CTNND2: variants seen among roughly 807,000 people sequenced by gnomAD.
The protein encoded by CTNND2 is catenin delta 2.
In CTNND2, 22 loss-of-function variants were observed where a neutral mutation model predicts 144.4. The observed-to-expected ratio is 0.15, with a 90% CI of 0.11 to 0.22. The LOEUF (loss-of-function observed/expected upper bound fraction) is 0.22. Ranked by LOEUF, CTNND2 falls within the 10% of genes least tolerant of loss-of-function variation. The probability of loss-of-function intolerance (pLI) is 1.00; values close to 1 mark genes in which losing one functional copy is unlikely to be tolerated. For missense variants in CTNND2, 1,353 were observed against 1,618.8 expected, an observed-to-expected ratio of 0.84 and a Z score of 2.82; for synonymous variants, 751 against 695.6, an observed-to-expected ratio of 1.08 and a Z score of -1.25.
intron 2 of CTNND2, among the ~76,000 whole-genome samples, chr5:11,570,411 T>C (rs1561570899): frequency 6.6e-6 from 1 of 152,168 alleles, no homozygotes; most frequent in African/African-American, 2.4e-5. Flanking sequence ...TACACAGAGA[T>C]AGAGAGAATG....
chr5:11,589,017 A>C (rs1053492740), intron 2 of CTNND2: 32 of 985,306 alleles, frequency 3.2e-5, no homozygotes, highest in Non-Finnish European at 3.9e-5. Flanking sequence ...ACTCGCAAAC[A>C]GTTTAAAAGA....
At chr5:11,814,667 T>C (rs1254461355) in intron 1 of CTNND2, among the ~76,000 whole-genome samples, 2 of 152,338 alleles carry the variant, frequency 1.3e-5, no homozygotes, top group Non-Finnish European at 1.5e-5. Context: ...CAGTTTTTAA[T>C]GGACAAATAT....
At chr5:11,114,110 A>C (rs1753303252) in intron 13 of CTNND2, among the ~76,000 whole-genome samples, 1 of 152,016 alleles carries the variant, frequency 6.6e-6, no homozygotes, top group South Asian at 2.1e-4. Flanking sequence ...GAGAGAAACG[A>C]CTCTCATTGA....
At chr5:11,809,718 G>A (rs10051025) in intron 1 of CTNND2, among the ~76,000 whole-genome samples, 1 of 152,216 alleles carries the variant, frequency 6.6e-6, no homozygotes, top group South Asian at 2.1e-4. Flanking sequence ...ACAGCTCATC[G>A]AAGGGTCACA....
At chr5:11,650,262 G>A (rs1782581474) in intron 2 of CTNND2, among the ~76,000 whole-genome samples, 1 of 152,130 alleles carries the variant, frequency 6.6e-6, no homozygotes. Context: ...CAGAAGACAT[G>A]CCTGCTTCAC....
At chr5:11,714,628 C>T (rs1474541538) in intron 2 of CTNND2, among the ~76,000 whole-genome samples, 1 of 152,004 alleles carries the variant, frequency 6.6e-6, no homozygotes, top group East Asian at 1.9e-4. Context: ...TTCAGGGGGC[C>T]TGGCGCAGTG....
At chr5:11,370,412 A>C (rs1337707146) in intron 7 of CTNND2, among the ~76,000 whole-genome samples, 1 of 152,190 alleles carries the variant, frequency 6.6e-6, no homozygotes, top group Non-Finnish European at 1.5e-5. Flanking sequence ...ATCCTGTCCC[A>C]AATAAAGGAG....
chr5:11,515,166 A>G (rs1241810685), intron 3 of CTNND2, among the ~76,000 whole-genome samples: 2 of 151,778 alleles, frequency 1.3e-5, no homozygotes, highest in Non-Finnish European at 2.9e-5. Context: ...TCTCTGCAGA[A>G]GCATCATGGT....
chr5:11,821,758 C>T (rs61761583), intron 1 of CTNND2, among the ~76,000 whole-genome samples: 46 of 152,068 alleles, frequency 3.0e-4, no homozygotes, highest in African/African-American at 9.4e-4. Context: ...GATTTAAATT[C>T]GCTTTGTTTT....
At chr5:11,752,626 C>T (rs142251105) in intron 1 of CTNND2, among the ~76,000 whole-genome samples, 289 of 151,520 alleles carry the variant, frequency 1.9e-3, no homozygotes, top group Non-Finnish European at 2.8e-3. Context: ...TAGTGCGATG[C>T]CTCCAGCTTT....
chr5:11,695,929 A>C (rs1229460621), intron 2 of CTNND2, among the ~76,000 whole-genome samples: 2 of 152,246 alleles, frequency 1.3e-5, no homozygotes, highest in Admixed American at 1.3e-4. Context: ...GACAGTCTTC[A>C]AAAACAGTAG....
rs776528315 is a variant in CTNND2 at position 10,992,693 on chromosome 5, C to T, written c.3085-16G>A. On this transcript the variant is annotated splice_polypyrimidine_tract_variant and intron_variant, in intron 18 of 21. Coordinates refer to ENST00000304623, the MANE Select transcript of CTNND2 (RefSeq NM_001332.4). ...ACCATCCATCCTGCAAAACACAGCACGCTCCTGTTAGATGGGCAAGACAGA... is the reference window on the plus strand; with the variant it reads ...ACCATCCATCCTGCAAAACACAGCATGCTCCTGTTAGATGGGCAAGACAGA... 9.9e-6 allele frequency: 16 copies of T among 1,612,746 alleles called. No homozygotes were observed. Among genetic ancestry groups the T allele is most frequent in the East Asian group, 6.7e-5 (3 of 44,876 alleles).
intron 2 of CTNND2, among the ~76,000 whole-genome samples, chr5:11,641,528 C>CGTATATGTACATGCACACATATACAT (rs1258503672): frequency 1.3e-5 from 2 of 150,556 alleles, no homozygotes; most frequent in Non-Finnish European, 3.0e-5. Flanking sequence ...CACATATACA[C>CGTATATGTACATGCACACATATACAT]GTATATGTAT....
chr5:11,529,459 T>C (rs1281983648), intron 3 of CTNND2, among the ~76,000 whole-genome samples: 1 of 152,232 alleles, frequency 6.6e-6, no homozygotes, highest in African/African-American at 2.4e-5. Flanking sequence ...TGGTTCTACA[T>C]AATTTGAGCC....
At chr5:11,625,389 ATC>A (rs57148533) in intron 2 of CTNND2, among the ~76,000 whole-genome samples, 2,340 of 140,120 alleles carry the variant, frequency 0.017, 24 homozygotes, top group African/African-American at 0.028. Context: ...AAACAGAAAA[ATC>A]TCTCTCTCTC....
At chr5:11,643,148 C>T (rs1782154270) in intron 2 of CTNND2, among the ~76,000 whole-genome samples, 1 of 152,126 alleles carries the variant, frequency 6.6e-6, no homozygotes, top group Non-Finnish European at 1.5e-5. Context: ...AAATAGATCG[C>T]AAACTGTAAG....
intron 3 of CTNND2, among the ~76,000 whole-genome samples, chr5:11,430,105 C>A (rs1188426738): frequency 6.6e-6 from 1 of 151,536 alleles, no homozygotes; most frequent in South Asian, 2.1e-4. Context: ...CAAAAATTAG[C>A]CAGGTGTGGT....
At chr5:11,154,795 C>A (rs1758067589) in intron 12 of CTNND2, among the ~76,000 whole-genome samples, 1 of 152,168 alleles carries the variant, frequency 6.6e-6, no homozygotes, top group African/African-American at 2.4e-5. Context: ...GGGAAAATTC[C>A]TTCCCTGCCT....
chr5:11,571,554 A>G (rs1009167652), intron 2 of CTNND2, among the ~76,000 whole-genome samples: 3 of 152,130 alleles, frequency 2.0e-5, no homozygotes, highest in Non-Finnish European at 4.4e-5. Flanking sequence ...TTCCAGAGAA[A>G]AAGCCTCTAG....
Sources: allele counts gnomAD v4.1 joint callset (sites outside exome capture counted in the v4.1 genomes callset), GRCh38; gene constraint gnomAD v4.1.1; transcripts MANE v1.5; gene names NCBI Gene and HGNC (gene_info 2026-07-23, HGNC 2026-07-21).